MAP3K7CL: variants seen among roughly 807,000 people sequenced by gnomAD.
MAP3K7CL encodes the protein MAP3K7 C-terminal like, also known as MAP3K7 C-terminal-like protein.
Under a neutral mutation model 18.6 loss-of-function variants are expected in MAP3K7CL, and 16 were observed. The observed-to-expected ratio is 0.86, with a 90% CI of 0.58 to 1.31. The LOEUF is 1.31. Ranked by LOEUF, MAP3K7CL falls within the 50% of genes most tolerant of loss-of-function variation. The pLI is 0.00. For synonymous variants in MAP3K7CL, 65 were observed against 66.8 expected (o/e 0.97, Z 0.13); for missense variants, 163 against 174.4 (o/e 0.93, Z 0.37).
intron 4 of MAP3K7CL, among the ~76,000 whole-genome samples, chr21:29,097,583 A>G (rs2086145666): frequency 6.6e-6 from 1 of 152,076 alleles, no homozygotes; most frequent in African/African-American, 2.4e-5. Flanking sequence ...TTTGCTACAT[A>G]GTCTCCCTTA....
upstream of MAP3K7CL, chr21:29,085,844 T>C: frequency 6.2e-7 from 1 of 1,614,084 alleles, no homozygotes; most frequent in Non-Finnish European, 8.5e-7. Context: ...TAAATTACTG[T>C]CATGCAAAGC....
At chr21:29,102,433 T>C (rs1483585686) in intron 4 of MAP3K7CL, 1 of 151,556 alleles carries the variant, frequency 6.6e-6, no homozygotes, top group Non-Finnish European at 1.5e-5. Context: ...ATCACACATT[T>C]GGCCAAGATA....
intron 4 of MAP3K7CL, among the ~76,000 whole-genome samples, chr21:29,163,681 G>A (rs1001363526): frequency 6.8e-6 from 1 of 147,774 alleles, no homozygotes; most frequent in African/African-American, 2.5e-5. Context: ...GGCCTAACAG[G>A]CCCCTTTCTT....
At chr21:29,110,550 C>T (rs1286390906) in intron 4 of MAP3K7CL, among the ~76,000 whole-genome samples, 1 of 152,062 alleles carries the variant, frequency 6.6e-6, no homozygotes, top group African/African-American at 2.4e-5. Context: ...GTGTGTGCCC[C>T]CAGGCCCACC....
intron 4 of MAP3K7CL, among the ~76,000 whole-genome samples, chr21:29,173,112 T>C (rs150609369): frequency 8.5e-4 from 130 of 152,232 alleles, no homozygotes; most frequent in African/African-American, 3.0e-3. Flanking sequence ...CAAAACTGTT[T>C]CCTAGGAACA....
intron 4 of MAP3K7CL, among the ~76,000 whole-genome samples, chr21:29,106,859 T>C (rs2086331577): frequency 6.6e-6 from 1 of 152,196 alleles, no homozygotes; most frequent in African/African-American, 2.4e-5. Context: ...ACTTGTCTAT[T>C]CTGCCAGTCC....
intron 4 of MAP3K7CL, among the ~76,000 whole-genome samples, chr21:29,163,014 G>A (rs2087591110): frequency 6.6e-6 from 1 of 152,208 alleles, no homozygotes; most frequent in Admixed American, 6.5e-5. Flanking sequence ...AAGAGGCTGA[G>A]TCATGAGAAT....
upstream of MAP3K7CL, among the ~76,000 whole-genome samples, chr21:29,082,300 G>T (rs1271970345): frequency 6.6e-6 from 1 of 152,092 alleles, no homozygotes; most frequent in African/African-American, 2.4e-5. Flanking sequence ...AAATCTCAGT[G>T]GCTTAAAACA....
chr21:29,145,951 G>T (rs944128337), intron 2 of MAP3K7CL, among the ~76,000 whole-genome samples: 2 of 152,106 alleles, frequency 1.3e-5, no homozygotes, highest in Non-Finnish European at 2.9e-5. Flanking sequence ...TGTGTGAGGT[G>T]ACATGGCGTG....
intron 4 of MAP3K7CL, among the ~76,000 whole-genome samples, chr21:29,119,121 A>C (rs568069535): frequency 6.6e-6 from 1 of 152,302 alleles, no homozygotes; most frequent in South Asian, 2.1e-4. Context: ...TCCCACACAC[A>C]AATACCCTTT....
At chr21:29,121,207 C>G (rs1457062847) in intron 4 of MAP3K7CL, among the ~76,000 whole-genome samples, 1 of 151,730 alleles carries the variant, frequency 6.6e-6, no homozygotes, top group East Asian at 1.9e-4. Flanking sequence ...ACTGTCTTAC[C>G]TGGGAATTCT....
At chr21:29,128,956 GTC>G (rs2049518111), upstream of MAP3K7CL, among the ~76,000 whole-genome samples, 1 of 152,124 alleles carries the variant, frequency 6.6e-6, no homozygotes, top group African/African-American at 2.4e-5. Flanking sequence ...AATTGTCTGA[GTC>G]TGTACAGCTT....
At chr21:29,152,720 T>G (rs1342853970) in intron 3 of MAP3K7CL, among the ~76,000 whole-genome samples, 1 of 152,218 alleles carries the variant, frequency 6.6e-6, no homozygotes, top group Non-Finnish European at 1.5e-5. Flanking sequence ...CATTTGATCT[T>G]TGCAATAATG....
upstream of MAP3K7CL, among the ~76,000 whole-genome samples, chr21:29,084,056 A>G (rs1250392449): frequency 6.8e-6 from 1 of 148,090 alleles, no homozygotes; most frequent in Admixed American, 6.8e-5. Flanking sequence ...TATTATATGT[A>G]TATATACATG....
chr21:29,143,579 C>T lies in MAP3K7CL; in HGVS notation c.71-5610C>T, dbSNP rs944129207. On this transcript the variant is annotated intron_variant, in intron 2 of 4. Transcript: ENST00000399928. ...CTGGGATTACAGGCATGTGCCACCA[C>T]GCCTGGCTAATTTTTGTATTTTTGG... is the stretch of plus-strand genomic sequence containing the variant. 4.6e-5 allele frequency among the ~76,000 whole-genome samples: 7 copies of T among 151,920 alleles called. No homozygotes were observed. The East Asian group carries it at 1.2e-3, about 25-fold the overall frequency.
At chr21:29,123,467 A>C (rs956688822) in intron 4 of MAP3K7CL, among the ~76,000 whole-genome samples, 1 of 152,212 alleles carries the variant, frequency 6.6e-6, no homozygotes, top group African/African-American at 2.4e-5. Flanking sequence ...GCTAATTTAC[A>C]GTGGACAGAG....
At chr21:29,136,405 G>A (rs2086887024) in intron 2 of MAP3K7CL, among the ~76,000 whole-genome samples, 1 of 152,120 alleles carries the variant, frequency 6.6e-6, no homozygotes, top group African/African-American at 2.4e-5. Context: ...GCACTAATGT[G>A]GACTTTTTGG....
intron 4 of MAP3K7CL, among the ~76,000 whole-genome samples, chr21:29,167,320 A>G (rs73354809): frequency 0.021 from 3,131 of 152,304 alleles, 124 homozygotes; most frequent in African/African-American, 0.071. Flanking sequence ...AGGGGTTTTC[A>G]TATGAGGCTA....
intron 3 of MAP3K7CL, among the ~76,000 whole-genome samples, chr21:29,155,999 C>T (rs2087395959): frequency 6.6e-6 from 1 of 152,212 alleles, no homozygotes; most frequent in Non-Finnish European, 1.5e-5. Context: ...AGTACATTAG[C>T]AGTATCTTTA....
Sources: gnomAD v4.1 joint callset for allele counts (sites outside exome capture counted in the v4.1 genomes callset) on GRCh38, gnomAD v4.1.1 for gene constraint, MANE v1.5 for transcripts, NCBI Gene and HGNC (gene_info 2026-07-23, HGNC 2026-07-21) for gene names.